The following FRMPD4 variants were observed in gnomAD, a reference collection of about 807,000 sequenced individuals.
FRMPD4 encodes FERM and PDZ domain containing 4.
FRMPD4 carries 22 observed loss-of-function variants against 94.1 expected under a neutral mutation model. That is an observed-to-expected ratio of 0.23 (90% CI 0.17 to 0.33). The LOEUF (loss-of-function observed/expected upper bound fraction) is 0.33, where lower values mean the gene tolerates loss of function less well. FRMPD4 is among the 10% of genes least tolerant of loss of function. The pLI, the probability that FRMPD4 is intolerant of heterozygous loss-of-function variation, is 1.00. For missense variants in FRMPD4, 1,111 were observed against 1,339.9 expected, an observed-to-expected ratio of 0.83 and a Z score of 2.67; for synonymous variants, 631 against 548.6, an observed-to-expected ratio of 1.15 and a Z score of -2.10.
In FRMPD4 at chrX:12,463,494, A is replaced by G. The variant is rs186844209; in HGVS notation, c.42-35186A>G. 2.7e-5 allele frequency among the ~76,000 whole-genome samples: 3 copies of G among 111,374 alleles called. No homozygotes were observed. The Admixed American group carries it at 2.9e-4, about 11-fold the overall frequency. ...ACAGAATATAAAGGTTATGCAATTT[A>G]TTCTAATGCCAGAATGAGCCCAGGT... On this transcript the variant is annotated intron_variant, in intron 1 of 16. Coordinates refer to ENST00000675598, the MANE Select transcript of FRMPD4 (RefSeq NM_001368397.1).
At chrX:11,989,677 G>A (rs1308517440) in intron 3 of FRMPD4, among the ~76,000 whole-genome samples, 2 of 112,206 alleles carry the variant, frequency 1.8e-5, no homozygotes, top group Admixed American at 9.4e-5. Flanking sequence ...ATAAATGCTT[G>A]AGGGGATGGT....
intron 3 of FRMPD4, among the ~76,000 whole-genome samples, chrX:12,100,244 C>A (rs1381865246): frequency 8.9e-6 from 1 of 111,926 alleles, no homozygotes; most frequent in Non-Finnish European, 1.9e-5. Context: ...TTTCTAGACC[C>A]AACAAATTGT....
At chrX:11,994,229 C>G (rs2054483217) in intron 3 of FRMPD4, among the ~76,000 whole-genome samples, 1 of 110,921 alleles carries the variant, frequency 9.0e-6, no homozygotes, top group Non-Finnish European at 1.9e-5. Flanking sequence ...AATTCTCCAG[C>G]CCCAAAGGTC....
At chrX:12,162,715 A>G (rs1314821156) in intron 1 of FRMPD4, among the ~76,000 whole-genome samples, 2 of 111,716 alleles carry the variant, frequency 1.8e-5, no homozygotes, top group African/African-American at 3.3e-5. Flanking sequence ...TCAAGGAAGA[A>G]CATCTGGGAA....
At chrX:12,645,578 C>T (rs1321375744) in intron 4 of FRMPD4, among the ~76,000 whole-genome samples, 1 of 109,888 alleles carries the variant, frequency 9.1e-6, no homozygotes, top group Non-Finnish European at 1.9e-5. Context: ...TAGTCTCGAG[C>T]TTCCGACCTC....
intron 1 of FRMPD4, among the ~76,000 whole-genome samples, chrX:11,845,949 A>T (rs1180335841): frequency 9.4e-6 from 1 of 106,498 alleles, no homozygotes. Flanking sequence ...AACTGGAAGC[A>T]TTCCCTATGA....
rs1186706275 is a variant in FRMPD4 at position 11,935,263 on chromosome X, TAATGTG to T, written c.95+57246_95+57251del. Among the ~76,000 whole-genome samples the T allele has an allele frequency of 2.2e-3, 31 of 14,041 alleles. 1 individual carries two copies. Among genetic ancestry groups the T allele is most frequent in the African/African-American group, 4.1e-3 (16 of 3,939 alleles). 12.2% of individuals were successfully genotyped at this position (14,041 alleles called of 115,157 possible). A position where few individuals can be genotyped will look rare whatever the true frequency, so the allele number is the denominator to read the frequency against. Reference sequence around the variant, plus strand: ...TTTGTTTTGTTGTTTTTTTTTTTTTTAATGTGTTTTTTTTTTTTTTTTTTTTTTTTT... The same window carrying T: ...TTTGTTTTGTTGTTTTTTTTTTTTTTTTTTTTTTTTTTTTTTTTTTTTTTT... On this transcript the variant is annotated intron_variant, in intron 3 of 18. Transcript: ENST00000640291.
intron 1 of FRMPD4, among the ~76,000 whole-genome samples, chrX:12,327,626 G>A (rs1313110691): frequency 1.8e-5 from 2 of 111,684 alleles, no homozygotes; most frequent in Non-Finnish European, 3.8e-5. Flanking sequence ...TACTGAATTT[G>A]TGGTATGCAA....
chrX:12,017,693 G>C (rs2054611376), intron 3 of FRMPD4, among the ~76,000 whole-genome samples: 2 of 111,732 alleles, frequency 1.8e-5, no homozygotes, highest in Non-Finnish European at 3.8e-5. Flanking sequence ...AAGACTATAT[G>C]GTTTTCTGTT....
intron 1 of FRMPD4, among the ~76,000 whole-genome samples, chrX:12,237,665 T>C (rs2057085534): frequency 8.9e-6 from 1 of 112,141 alleles, no homozygotes; most frequent in South Asian, 3.7e-4. Flanking sequence ...TCCAAAGATT[T>C]TTATCCACCC....
At chrX:11,923,836 G>C (rs1390793087) in intron 3 of FRMPD4, among the ~76,000 whole-genome samples, 4 of 112,393 alleles carry the variant, frequency 3.6e-5, no homozygotes, top group African/African-American at 6.5e-5. Context: ...GAAAGAATCA[G>C]CACAAGAATG....
At chrX:12,692,781 T>G (rs1003832364) in intron 8 of FRMPD4, among the ~76,000 whole-genome samples, 13 of 111,783 alleles carry the variant, frequency 1.2e-4, no homozygotes, top group Non-Finnish European at 2.4e-4. Context: ...ATTAAAGGAG[T>G]CAGAGATATA....
chrX:12,484,621 A>G (rs953905707), intron 1 of FRMPD4, among the ~76,000 whole-genome samples: 6 of 111,843 alleles, frequency 5.4e-5, no homozygotes, highest in African/African-American at 2.0e-4. Context: ...ACTGTCCTCA[A>G]TATAATGGCT....
At chrX:12,072,275 C>T (rs2054975665) in intron 3 of FRMPD4, among the ~76,000 whole-genome samples, 1 of 111,913 alleles carries the variant, frequency 8.9e-6, no homozygotes, top group South Asian at 3.7e-4. Context: ...TTTAATTCAT[C>T]GTGTCTGGGA....
intron 2 of FRMPD4, among the ~76,000 whole-genome samples, chrX:12,560,369 G>C (rs1339831805): frequency 9.3e-6 from 1 of 107,794 alleles, no homozygotes; most frequent in Non-Finnish European, 1.9e-5. Context: ...AAAAAAATTA[G>C]TTGCCTGAGG....
intron 4 of FRMPD4, among the ~76,000 whole-genome samples, chrX:12,623,638 G>A (rs2059320397): frequency 1.0e-5 from 1 of 95,618 alleles, no homozygotes; most frequent in South Asian, 5.7e-4. Flanking sequence ...ATCTTGGAAG[G>A]GATATGGACA....
intron 1 of FRMPD4, among the ~76,000 whole-genome samples, chrX:12,324,344 C>T (rs2055253530): frequency 8.9e-6 from 1 of 112,224 alleles, no homozygotes; most frequent in African/African-American, 3.2e-5. Context: ...TCACTGAAGT[C>T]TGTCCATGAC....
intron 4 of FRMPD4, among the ~76,000 whole-genome samples, chrX:12,638,191 A>C (rs780490108): frequency 8.9e-6 from 1 of 112,760 alleles, no homozygotes; most frequent in African/African-American, 3.2e-5. Flanking sequence ...TTTCTCAAAC[A>C]CACAAGTGAG....
At chrX:12,193,774 G>GAAAGAAAGAAA (rs748805072) in intron 1 of FRMPD4, among the ~76,000 whole-genome samples, 1,169 of 24,702 alleles carry the variant, frequency 0.047, 113 homozygotes, top group East Asian at 0.089. Flanking sequence ...AAGAAAGAAA[G>GAAAGAAAGAAA]GAAGGAAGGA....
Sources: allele counts gnomAD v4.1 joint callset (sites outside exome capture counted in the v4.1 genomes callset), GRCh38; gene constraint gnomAD v4.1.1; transcripts MANE v1.5; gene names NCBI Gene and HGNC (gene_info 2026-07-23, HGNC 2026-07-21).